The following KCNN2 variants were observed in gnomAD, a reference collection of about 807,000 sequenced individuals.
KCNN2 encodes small conductance calcium-activated potassium channel protein 2.
KCNN2 carries 24 observed loss-of-function variants against 55.5 expected under a neutral mutation model. The observed-to-expected ratio is 0.43, with a 90% CI of 0.31 to 0.61. The LOEUF (loss-of-function observed/expected upper bound fraction) is 0.61. Among genes scored for constraint, KCNN2 ranks in the 20% least tolerant of loss-of-function variants. KCNN2 has a pLI of 0.08. For missense variants in KCNN2, 754 were observed against 853.6 expected (o/e 0.88, Z 1.45); for synonymous variants, 431 against 336.1 (o/e 1.28, Z -3.09).
At position 114,066,900 on chromosome 5, in the gene KCNN2, C is replaced by T. The variant is rs888521465; in HGVS notation, c.-271+10400C>T. Among the ~76,000 whole-genome samples the T allele has an allele frequency of 2.0e-5, 3 of 152,276 alleles. No homozygotes were observed. In the South Asian group the frequency reaches 6.2e-4, roughly 32 times the overall value. On this transcript the variant is annotated intron_variant, in intron 1 of 10. Transcript: ENST00000512097. ...GGCTATGATTCAAGTTTTGAGATCT[C>T]ACATGACTATCTGTAAATGGACCCA...
chr5:114,274,391 A>G (rs1391976488), intron 2 of KCNN2, among the ~76,000 whole-genome samples: 1 of 152,146 alleles, frequency 6.6e-6, no homozygotes, highest in Non-Finnish European at 1.5e-5. Flanking sequence ...TGGTAGCTTG[A>G]TGGGGATAGC....
At chr5:114,373,093 T>A (rs1757810525) in intron 2 of KCNN2, among the ~76,000 whole-genome samples, 1 of 152,106 alleles carries the variant, frequency 6.6e-6, no homozygotes. Flanking sequence ...CCTTTTATTT[T>A]TTAAATGCTT....
At chr5:114,076,292 G>T (rs1356859458) in intron 1 of KCNN2, among the ~76,000 whole-genome samples, 2 of 152,198 alleles carry the variant, frequency 1.3e-5, no homozygotes, top group African/African-American at 4.8e-5. Context: ...TACTAGAGAT[G>T]ACAGCCTTCT....
chr5:114,086,483 T>C (rs1012072536), intron 1 of KCNN2, among the ~76,000 whole-genome samples: 3 of 151,578 alleles, frequency 2.0e-5, no homozygotes, highest in Admixed American at 6.6e-5. Flanking sequence ...CATTTTTATG[T>C]CCATGAGTAT....
At chr5:114,216,271 G>A (rs1420312174) in intron 1 of KCNN2, among the ~76,000 whole-genome samples, 3 of 152,062 alleles carry the variant, frequency 2.0e-5, no homozygotes, top group Admixed American at 6.6e-5. Context: ...ACATATGTGT[G>A]GTATTTACAT....
At chr5:114,309,135 T>A (rs1367124358) in intron 2 of KCNN2, among the ~76,000 whole-genome samples, 3 of 152,364 alleles carry the variant, frequency 2.0e-5, no homozygotes, top group Non-Finnish European at 1.5e-5. Flanking sequence ...ATTTGAAGAC[T>A]GTTAGCAATT....
intron 2 of KCNN2, among the ~76,000 whole-genome samples, chr5:114,327,551 A>C (rs1756735911): frequency 6.6e-6 from 1 of 152,220 alleles, no homozygotes; most frequent in Non-Finnish European, 1.5e-5. Context: ...CTGAGAAATA[A>C]CTGGCCAGAA....
At chr5:114,129,856 C>T (rs1308275644) in intron 1 of KCNN2, among the ~76,000 whole-genome samples, 1 of 152,218 alleles carries the variant, frequency 6.6e-6, no homozygotes, top group Non-Finnish European at 1.5e-5. Context: ...TTCTTCATAA[C>T]TGTGTTTCCT....
intron 1 of KCNN2, among the ~76,000 whole-genome samples, chr5:114,064,696 T>A (rs955531438): frequency 2.8e-4 from 43 of 152,230 alleles, no homozygotes; most frequent in Non-Finnish European, 5.6e-4. Context: ...CACAAGTGGA[T>A]TCCTTGCACT....
At chr5:114,157,826 T>A (rs1277413647) in intron 1 of KCNN2, among the ~76,000 whole-genome samples, 1,652 of 151,412 alleles carry the variant, frequency 0.011, 31 homozygotes, top group African/African-American at 0.038. Context: ...GTCTGTTCAT[T>A]TCCTTTGCCC....
At chr5:114,457,119 C>A (rs1403428250) in intron 3 of KCNN2, among the ~76,000 whole-genome samples, 2 of 152,106 alleles carry the variant, frequency 1.3e-5, no homozygotes, top group Non-Finnish European at 2.9e-5. Context: ...ATAAATCTTT[C>A]CTGAAAGAAA....
intron 4 of KCNN2, among the ~76,000 whole-genome samples, chr5:114,470,891 A>C (rs956469859): frequency 6.6e-5 from 10 of 152,178 alleles, no homozygotes; most frequent in African/African-American, 9.7e-5. Context: ...TTATCCCTGG[A>C]GATGAAGATT....
At position 114,383,448 on chromosome 5, in the gene KCNN2, T is replaced by G. The variant is rs140189355; in HGVS notation, c.1218+19447T>G. ...AAAGGGAAGATGCTAGAAGACATAC[T>G]AAGCCCCACTAAATGCTTTTTTTTT... On this transcript the variant is annotated intron_variant, in intron 2 of 7. Transcript: ENST00000673685. 4.4e-3 allele frequency among the ~76,000 whole-genome samples: 643 copies of G among 146,372 alleles called. 9 individuals are homozygous for G. The highest frequency in any genetic ancestry group is 0.016 in the African/African-American group (625 of 39,792).
chr5:114,409,740 A>G (rs1022836181), intron 3 of KCNN2, among the ~76,000 whole-genome samples: 4 of 152,242 alleles, frequency 2.6e-5, no homozygotes, highest in African/African-American at 4.8e-5. Context: ...CAGGATTTCT[A>G]TAAGTTTCTA....
At chr5:114,136,372 G>A (rs1752174132) in intron 1 of KCNN2, among the ~76,000 whole-genome samples, 2 of 152,150 alleles carry the variant, frequency 1.3e-5, no homozygotes, top group South Asian at 4.1e-4. Flanking sequence ...AACACAGAGG[G>A]CTTTGCCAGA....
chr5:114,349,539 G>A (rs563271997), intron 2 of KCNN2, among the ~76,000 whole-genome samples: 4 of 151,834 alleles, frequency 2.6e-5, no homozygotes, highest in Non-Finnish European at 4.4e-5. Context: ...CTCTCATTAG[G>A]TATATGAAAA....
chr5:114,064,198 A>C (rs148298533), intron 1 of KCNN2, among the ~76,000 whole-genome samples: 94 of 152,368 alleles, frequency 6.2e-4, no homozygotes, highest in African/African-American at 2.3e-3. Flanking sequence ...ATAGTCTCCA[A>C]AGATGGCAGC....
chr5:114,288,880 A>AT (rs948241250), intron 2 of KCNN2, among the ~76,000 whole-genome samples: 9 of 150,980 alleles, frequency 6.0e-5, no homozygotes, highest in Admixed American at 1.3e-4. Flanking sequence ...AGTTCAGCTT[A>AT]TTTTTTTTTC....
At chr5:114,219,537 C>T (rs1754086314) in intron 1 of KCNN2, among the ~76,000 whole-genome samples, 1 of 152,082 alleles carries the variant, frequency 6.6e-6, no homozygotes. Context: ...TCAAGGTGTC[C>T]CTCTGAAGTC....
Sources: gnomAD v4.1 joint callset for allele counts (sites outside exome capture counted in the v4.1 genomes callset) on GRCh38, gnomAD v4.1.1 for gene constraint, MANE v1.5 for transcripts, NCBI Gene and HGNC (gene_info 2026-07-23, HGNC 2026-07-21) for gene names.